The following LCK variants were observed in gnomAD, a reference collection of about 807,000 sequenced individuals.
LCK encodes tyrosine-protein kinase Lck.
In LCK, 14 loss-of-function variants were observed where a neutral mutation model predicts 64.6. The observed-to-expected ratio is 0.22, with a 90% confidence interval of 0.14 to 0.34. The LOEUF (loss-of-function observed/expected upper bound fraction) is 0.34. LCK is among the 10% of genes least tolerant of loss of function. The pLI is 1.00. For missense variants in LCK, 434 were observed against 668.1 expected (o/e 0.65, Z 3.86); for synonymous variants, 277 against 263.6 (o/e 1.05, Z -0.49).
intron 1 of LCK, among the ~76,000 whole-genome samples, chr1:32,261,049 A>AT (rs998990482): frequency 3.3e-5 from 5 of 151,794 alleles, no homozygotes; most frequent in Non-Finnish European, 7.4e-5. Flanking sequence ...TAACTTAAAA[A>AT]TTTTTTTTAA....
rs761460031 is a variant in LCK at position 32,279,907 on chromosome 1, A to G, written c.1108A>G (p.Ile370Val). ...TCATCGTGACCTTCGGGCTGCCAAC[A>G]TTCTGGTGTCTGACACCCTGAGCTG... ...YIHRDLRAAN[I>V]LVSDTLSCKI... Residue 370 changes from isoleucine to valine, a missense_variant, in exon 11 of 13, where the codon ATT becomes GTT. This residue lies in a region of LCK where 201 missense variants were observed against 376.9 expected (regional missense o/e 0.53). Transcript: ENST00000336890. 1 of 1,614,100 alleles carries G rather than the reference A, an allele frequency of 6.2e-7. No homozygotes were observed. The highest frequency in any genetic ancestry group is 2.2e-5 in the East Asian group (1 of 44,898).
intron 1 of LCK, among the ~76,000 whole-genome samples, chr1:32,270,412 T>C (rs771652242): frequency 2.6e-5 from 4 of 151,214 alleles, no homozygotes. Flanking sequence ...CCTGCTCTTT[T>C]GAGATGGAGT....
chr1:32,279,779 G>A (rs756503990), intron 10 of LCK, 32 bp downstream of exon 10: 6 of 1,608,984 alleles, frequency 3.7e-6, no homozygotes, highest in Middle Eastern at 1.7e-4. Flanking sequence ...GCTGGGCAAG[G>A]GAACAGACCA....
Position 32,275,456 on chromosome 1 carries a change from G to A in LCK, c.377+37G>A, listed in dbSNP as rs760067827. The A allele has an allele frequency of 2.5e-6, 4 of 1,603,558 alleles. No homozygotes were observed. In the East Asian group the frequency reaches 6.7e-5, roughly 27 times the overall value. ...CCCGTCGTGGGGGTGGGTAGGAGCA[G>A]ATCTAGGGATCCTGGAGCAGGGAGT... On this transcript the variant is annotated intron_variant, in intron 5 of 12. Coordinates refer to ENST00000336890, the MANE Select transcript of LCK (RefSeq NM_005356.5). The surrounding 1 kb of genome is among the most constrained non-coding windows in gnomAD (Gnocchi z 6.9).
Position 32,275,146 on chromosome 1 carries a change from C to A in LCK, c.278+63C>A. ...AGGGAGCGGCGATCTCCGCGACCCG[C>A]AGCCCTCCTGCGGCCCTTGACCAGC... On this transcript the variant is annotated intron_variant, in intron 4 of 12. Coordinates refer to ENST00000336890, the MANE Select transcript of LCK (RefSeq NM_005356.5). This position sits in a 1 kb window ranked among gnomAD's most constrained non-coding sequence, Gnocchi z 6.9. 6.6e-7 allele frequency: 1 copy of A among 1,523,368 alleles called. No individual in the cohort carries two copies. Among genetic ancestry groups the A allele is most frequent in the South Asian group, 1.2e-5 (1 of 85,004 alleles). 94.4% of individuals were successfully genotyped at this position (1,523,368 alleles called of 1,614,324 possible). A position where few individuals can be genotyped will look rare whatever the true frequency, so the allele number is the denominator to read the frequency against.
intron 1 of LCK, among the ~76,000 whole-genome samples, chr1:32,262,808 T>C (rs1310338637): frequency 3.0e-5 from 3 of 99,540 alleles, no homozygotes; most frequent in African/African-American, 1.2e-4. Context: ...AAAAAGAAAA[T>C]CAAAATTAAA....
chr1:32,270,689 G>T (rs1013691187), intron 1 of LCK, among the ~76,000 whole-genome samples: 2 of 144,418 alleles, frequency 1.4e-5, no homozygotes, highest in South Asian at 2.2e-4. Flanking sequence ...CATCGTGCCC[G>T]GACTTTTTTT....
At chr1:32,274,290 G>A (rs1307969931) in intron 1 of LCK, 35 bp from the exon 2 acceptor site, 1 of 1,613,614 alleles carries the variant, frequency 6.2e-7, no homozygotes, top group Admixed American at 1.7e-5. Flanking sequence ...CAGATCTTGG[G>A]GGAGCCCCTT....
chr1:32,275,426 G>A lies in LCK; in HGVS notation c.377+7G>A. 1 of 1,613,832 alleles carries A rather than the reference G, an allele frequency of 6.2e-7. No individual in the cohort carries two copies. Among genetic ancestry groups the A allele is most frequent in the Non-Finnish European group, 8.5e-7 (1 of 1,179,772 alleles). ...ACAGCCTGGAGCCCGAACCGTAAGT[G>A]GGGACCCGTCGTGGGGGTGGGTAGG... On this transcript the variant is annotated splice_region_variant and intron_variant, in intron 5 of 12. Transcript: ENST00000336890. This position sits in a 1 kb window ranked among gnomAD's most constrained non-coding sequence, Gnocchi z 6.9.
At chr1:32,256,712 C>A (rs892653067) in intron 1 of LCK, among the ~76,000 whole-genome samples, 8 of 152,116 alleles carry the variant, frequency 5.3e-5, no homozygotes, top group African/African-American at 1.9e-4. Context: ...TGTCAATAGG[C>A]CAGCTCCTTT....
At chr1:32,262,428 CTTT>C (rs1267622825) in intron 1 of LCK, among the ~76,000 whole-genome samples, 4 of 136,428 alleles carry the variant, frequency 2.9e-5, no homozygotes, top group African/African-American at 2.7e-5. Context: ...TTTTTCTTTT[CTTT>C]TTTTTTTTTT....
chr1:32,262,205 A>G (rs1231663311), intron 1 of LCK, among the ~76,000 whole-genome samples: 2 of 142,186 alleles, frequency 1.4e-5, no homozygotes, highest in African/African-American at 5.1e-5. Context: ...GCCACTAATT[A>G]TATAGCTGAG....
In LCK at chr1:32,276,536, G is replaced by C. The variant is rs761030394; in HGVS notation, c.784+47G>C. The C allele has an allele frequency of 6.3e-7, 1 of 1,586,674 alleles. No homozygotes were observed. The highest frequency in any genetic ancestry group is 1.7e-5 in the Admixed American group (1 of 57,620). The stretch of plus-strand genomic sequence containing the variant: ...GCCTGGGAAGAGGGGAACGGGAGGG[G>C]CCGCTGAGGTGATGAGAGTCCCAGG... On this transcript the variant is annotated intron_variant, in intron 8 of 12. Coordinates refer to ENST00000336890, the MANE Select transcript of LCK (RefSeq NM_005356.5). This position sits in a 1 kb window ranked among gnomAD's most constrained non-coding sequence, Gnocchi z 4.6.
At chr1:32,265,671 A>G (rs1188481449) in intron 1 of LCK, among the ~76,000 whole-genome samples, 1 of 152,134 alleles carries the variant, frequency 6.6e-6, no homozygotes, top group Non-Finnish European at 1.5e-5. Flanking sequence ...TCCTAGCCCA[A>G]GGCCTTGTGA....
intron 12 of LCK, among the ~76,000 whole-genome samples, chr1:32,283,237 C>T (rs1174785313): frequency 3.4e-5 from 5 of 145,642 alleles, no homozygotes; most frequent in South Asian, 2.1e-4. Context: ...TGCAGTGAGC[C>T]GAGACTGTAC....
intron 1 of LCK, among the ~76,000 whole-genome samples, chr1:32,271,504 C>G (rs545917367): frequency 6.6e-6 from 1 of 152,084 alleles, no homozygotes; most frequent in African/African-American, 2.4e-5. Context: ...TAGCAATACC[C>G]CCATCTCTAG....
Position 32,280,104 on chromosome 1 carries a change from A to G in LCK, c.1221A>G (p.Thr407=). ...GGGCCAAGTTTCCCATTAAGTGGACAGCGCCAGAAGCCATTAACTACGGGA... is the reference window on the plus strand; with the variant it reads ...GGGCCAAGTTTCCCATTAAGTGGACGGCGCCAGAAGCCATTAACTACGGGA... ...REGAKFPIKW[T]APEAINYGTF... Residue 407 remains threonine, a synonymous_variant, in exon 12 of 13, where the codon ACA becomes ACG. Transcript: ENST00000336890. The G allele has an allele frequency of 4.3e-6, 7 of 1,614,150 alleles. No homozygotes were observed. The highest frequency in any genetic ancestry group is 5.9e-6 in the Non-Finnish European group (7 of 1,180,028).
chr1:32,255,803 T>TA lies in LCK; in HGVS notation c.-6+4432_-6+4433insA, dbSNP rs201518368. On this transcript the variant is annotated intron_variant, in intron 1 of 12. Coordinates refer to ENST00000336890, the MANE Select transcript of LCK (RefSeq NM_005356.5). The stretch of plus-strand genomic sequence containing the variant: ...ATAGGAGGTACCCATTAAATTTATT[T>TA]TTTTTTTTTTTTTTTTTGAGACAGT... 2.0e-3 allele frequency among the ~76,000 whole-genome samples: 290 copies of TA among 147,558 alleles called. 1 individual carries two copies. The highest frequency in any genetic ancestry group is 7.3e-3 in the South Asian group (34 of 4,632).
At position 32,285,853 on chromosome 1, in the gene LCK, G is replaced by A; in HGVS notation, c.*137G>A. On this transcript the variant is annotated 3_prime_UTR_variant, in exon 13 of 13. Transcript: ENST00000336890. Reference sequence around the variant, plus strand: ...AATCCCACCCACATGTGACACATATGCACCTTGTGTCTGTACACGTGTCCT... The same window carrying A: ...AATCCCACCCACATGTGACACATATACACCTTGTGTCTGTACACGTGTCCT... 3 of 856,548 alleles carry A rather than the reference G, an allele frequency of 3.5e-6. No individual in the cohort carries two copies. The highest frequency in any genetic ancestry group is 5.5e-6 in the Non-Finnish European group (3 of 545,496). 53.1% of individuals were successfully genotyped at this position (856,548 alleles called of 1,614,324 possible).
Sources: allele counts gnomAD v4.1 joint callset (sites outside exome capture counted in the v4.1 genomes callset), GRCh38; gene constraint gnomAD v4.1.1; regional missense constraint gnomAD v4.1.1; non-coding constraint Gnocchi (gnomAD v3.1); transcripts MANE v1.5; gene names NCBI Gene and HGNC (gene_info 2026-07-23, HGNC 2026-07-21).